The following SNX11 variants were observed in gnomAD, a reference collection of about 807,000 sequenced individuals.
SNX11 encodes sorting nexin-11.
SNX11 carries 19 observed loss-of-function variants against 30.7 expected under a neutral mutation model. The observed-to-expected ratio is 0.62, with a 90% CI of 0.43 to 0.91. SNX11 has a LOEUF of 0.91. Ranked by LOEUF, SNX11 falls within the 40% of genes least tolerant of loss-of-function variation. The probability of loss-of-function intolerance (pLI) is 0.00; values close to 1 mark genes in which losing one functional copy is unlikely to be tolerated. For missense variants in SNX11, 302 were observed against 326.7 expected, an observed-to-expected ratio of 0.92 and a Z score of 0.58; for synonymous variants, 112 against 119.0, an observed-to-expected ratio of 0.94 and a Z score of 0.38.
At chr17:48,112,352 G>A (rs2063500474) in intron 2 of SNX11, 1 of 632,238 alleles carries the variant, frequency 1.6e-6, no homozygotes, top group Non-Finnish European at 2.8e-6. Context: ...TCTTGTTCAT[G>A]CTTTATCCCC....
intron 4 of SNX11, among the ~76,000 whole-genome samples, chr17:48,114,009 C>T (rs1009742974): frequency 1.3e-5 from 2 of 151,910 alleles, no homozygotes; most frequent in African/African-American, 2.4e-5. Context: ...GTGCCCACCA[C>T]TATGCCTGCC....
chr17:48,116,312 G>A (rs1306049863), intron 4 of SNX11, among the ~76,000 whole-genome samples: 1 of 152,072 alleles, frequency 6.6e-6, no homozygotes, highest in Non-Finnish European at 1.5e-5. Flanking sequence ...AAACGCCTGG[G>A]GTCAAGGGAT....
At chr17:48,112,726 G>A (rs895805304) in intron 3 of SNX11, 66 bp downstream of exon 3, 8 of 863,832 alleles carry the variant, frequency 9.3e-6, no homozygotes, top group Middle Eastern at 3.6e-4. Flanking sequence ...GTACTGAGGT[G>A]TAACCTTTTT....
Position 48,112,101 on chromosome 17 carries a change from G to T in SNX11, c.42+16G>T. ...AGAACAGGAGGTAAGAGTATGGTCT[G>T]CAGAGAACAGGTGGGTAAAAGTTGG... is the stretch of plus-strand genomic sequence containing the variant. On this transcript the variant is annotated intron_variant, in intron 2 of 6. Coordinates refer to ENST00000359238, the MANE Select transcript of SNX11 (RefSeq NM_013323.3). 1.2e-6 allele frequency: 2 copies of T among 1,612,408 alleles called. No homozygotes were observed. The highest frequency in any genetic ancestry group is 1.7e-6 in the Non-Finnish European group (2 of 1,178,460).
At position 48,118,753 on chromosome 17, in the gene SNX11, G is replaced by A. The variant is rs757963148; in HGVS notation, c.280G>A (p.Glu94Lys). 6.2e-7 allele frequency: 1 copy of A among 1,614,110 alleles called. No homozygotes were observed. The highest frequency in any genetic ancestry group is 8.5e-7 in the Non-Finnish European group (1 of 1,179,996). Residue 94 changes from glutamate (E) to lysine (K), a missense_variant, in exon 5 of 7, where the codon GAG (glutamate) becomes AAG (lysine). Transcript: ENST00000359238. ...GKSTFFGTSD[E>K]FIEKRRQGLQ... ...GTCAACCTTCTTCGGCACCTCAGAT[G>A]AGTTCATTGAGAAGCGACGACAAGG...
chr17:48,121,296 A>G lies in SNX11; in HGVS notation c.601A>G (p.Lys201Glu). 1 of 1,614,198 alleles carries G rather than the reference A, an allele frequency of 6.2e-7. No individual in the cohort carries two copies. The highest frequency in any genetic ancestry group is 1.1e-5 in the South Asian group (1 of 91,088). ...SSPSPPPSEE[K>E]DHLEVWAPVV... ...TCCCTCACCGCCTCCCAGTGAAGAAAAGGACCATTTAGAAGTGTGGGCTCC... is the reference window on the plus strand; with the variant it reads ...TCCCTCACCGCCTCCCAGTGAAGAAGAGGACCATTTAGAAGTGTGGGCTCC... Residue 201 changes from lysine (K) to glutamate (E), a missense_variant, in exon 7 of 7, where the codon AAG becomes GAG. Lys to Glu is a moderately conservative substitution (Grantham distance 56). Transcript: ENST00000359238.
chr17:48,115,328 C>T (rs1008141375), intron 4 of SNX11, among the ~76,000 whole-genome samples: 117 of 152,320 alleles, frequency 7.7e-4, no homozygotes, highest in African/African-American at 2.6e-3. Flanking sequence ...TCCCAAAGTG[C>T]TGGGATTACA....
Position 48,121,845 on chromosome 17 carries a change from ATG to A in SNX11, c.*340_*341del. On this transcript the variant is annotated 3_prime_UTR_variant, in exon 7 of 7. Coordinates refer to ENST00000359238, the MANE Select transcript of SNX11 (RefSeq NM_013323.3). ...CAGGTGACCAGTTTTGGGGACCCGT[ATG>A]TGGCAAATTCTAAGCTGCCATATTG... is the stretch of plus-strand genomic sequence containing the variant. The A allele has an allele frequency of 4.2e-6, 1 of 240,276 alleles. No individual in the cohort carries two copies. Among genetic ancestry groups the A allele is most frequent in the East Asian group, 9.5e-5 (1 of 10,516 alleles). The allele number at this position is 240,276 out of a possible 1,614,324, so 14.9% of individuals were successfully genotyped here.
chr17:48,108,928 C>A (rs1316357142), intron 1 of SNX11, among the ~76,000 whole-genome samples: 1 of 152,072 alleles, frequency 6.6e-6, no homozygotes, highest in African/African-American at 2.4e-5. Context: ...GTATTTGTTC[C>A]AGTGTTTATT....
intron 4 of SNX11, among the ~76,000 whole-genome samples, chr17:48,114,823 G>A (rs150504936): frequency 1.4e-3 from 217 of 150,418 alleles, no homozygotes; most frequent in African/African-American, 4.8e-3. Flanking sequence ...CTGCCACCAC[G>A]CCTGGCTGAC....
intron 4 of SNX11, among the ~76,000 whole-genome samples, chr17:48,114,252 C>T (rs1236028679): frequency 6.7e-6 from 1 of 150,334 alleles, no homozygotes; most frequent in African/African-American, 2.5e-5. Context: ...CTCCCGGGTT[C>T]AAGAGGTTCT....
chr17:48,108,824 A>C (rs991186516), intron 1 of SNX11, among the ~76,000 whole-genome samples: 2 of 152,250 alleles, frequency 1.3e-5, no homozygotes, highest in African/African-American at 4.8e-5. Flanking sequence ...CAGAGGCAGA[A>C]CTGAGCTTTT....
chr17:48,118,365 G>A (rs1484266432), intron 4 of SNX11, among the ~76,000 whole-genome samples: 3 of 152,032 alleles, frequency 2.0e-5, no homozygotes, highest in African/African-American at 7.2e-5. Context: ...CAGGGATCAC[G>A]AGGTCAGATC....
At chr17:48,114,811 G>T (rs938890508) in intron 4 of SNX11, among the ~76,000 whole-genome samples, 5 of 149,706 alleles carry the variant, frequency 3.3e-5, no homozygotes, top group Non-Finnish European at 5.9e-5. Context: ...GATTACAGGC[G>T]CCTGCCACCA....
In SNX11 at chr17:48,111,062, G is replaced by T. The variant is rs1371110172; in HGVS notation, c.-13-969G>T. 5 of 984,436 alleles carry T rather than the reference G, an allele frequency of 5.1e-6. No individual in the cohort carries two copies. The East Asian group carries it at 3.4e-4, about 67-fold the overall frequency. The allele number at this position is 984,436 out of a possible 1,614,324, so 61.0% of individuals were successfully genotyped here. A position where few individuals can be genotyped will look rare whatever the true frequency, so the allele number is the denominator to read the frequency against. ...TACAAAGGAGCAGAACGCATCCTGAGTCGACCTGTGCAGCTGTGGGGTGCT... is the reference window on the plus strand; with the variant it reads ...TACAAAGGAGCAGAACGCATCCTGATTCGACCTGTGCAGCTGTGGGGTGCT... On this transcript the variant is annotated intron_variant, in intron 1 of 6. Coordinates refer to ENST00000359238, the MANE Select transcript of SNX11 (RefSeq NM_013323.3).
intron 3 of SNX11, 84 bp downstream of exon 3, chr17:48,112,744 T>C (rs757181847): frequency 6.4e-3 from 5,092 of 793,386 alleles, no homozygotes; most frequent in Non-Finnish European, 7.4e-3. Flanking sequence ...TTTTTTTTTT[T>C]TTTGAGATGG....
At chr17:48,111,105 C>T (rs2063487616) in intron 1 of SNX11, 12 of 985,314 alleles carry the variant, frequency 1.2e-5, no homozygotes, top group Non-Finnish European at 1.4e-5. Context: ...AAGTACAAAC[C>T]GGATGGCATG....
chr17:48,115,163 G>A (rs564065209), intron 4 of SNX11, among the ~76,000 whole-genome samples: 2 of 151,002 alleles, frequency 1.3e-5, no homozygotes, highest in East Asian at 2.0e-4. Flanking sequence ...CTGGGTTCAA[G>A]CGATTCTCCT....
intron 4 of SNX11, among the ~76,000 whole-genome samples, chr17:48,114,268 C>G (rs1356207415): frequency 6.6e-6 from 1 of 151,096 alleles, no homozygotes; most frequent in Non-Finnish European, 1.5e-5. Flanking sequence ...GTTCTCCTGC[C>G]TCAGCCTCCT....
Sources: gnomAD v4.1 joint callset for allele counts (sites outside exome capture counted in the v4.1 genomes callset) on GRCh38, gnomAD v4.1.1 for gene constraint, MANE v1.5 for transcripts, NCBI Gene and HGNC (gene_info 2026-07-23, HGNC 2026-07-21) for gene names.